The following ABLIM1 variants were observed in gnomAD, a reference collection of about 807,000 sequenced individuals.
The protein encoded by ABLIM1 is actin binding LIM protein 1, also known as actin-binding LIM protein 1.
ABLIM1 carries 40 observed loss-of-function variants against 107.0 expected under a neutral mutation model. The ratio of observed to expected loss-of-function variants is 0.37; its 90% confidence interval spans 0.29 to 0.49. The LOEUF (loss-of-function observed/expected upper bound fraction) is 0.49. ABLIM1 is among the 20% of genes least tolerant of loss of function. The probability of loss-of-function intolerance (pLI) is 0.97; values close to 1 mark genes in which losing one functional copy is unlikely to be tolerated. For synonymous variants in ABLIM1, 357 were observed against 357.3 expected (o/e 1.00, Z 0.01); for missense variants, 857 against 1,008.5 (o/e 0.85, Z 2.04).
chr10:114,700,199 G>A (rs576562097), intron 1 of ABLIM1, among the ~76,000 whole-genome samples: 6 of 152,194 alleles, frequency 3.9e-5, no homozygotes, highest in Non-Finnish European at 7.4e-5. Flanking sequence ...GGATGCATTC[G>A]AGCATTATGG....
At chr10:114,798,556 A>AT in the ABLIM1 span, among the ~76,000 whole-genome samples, 1 of 125,996 alleles carries the variant, frequency 7.9e-6, no homozygotes, top group African/African-American at 3.3e-5. Context: ...AGATGATGAG[A>AT]CCCCCCCCCC....
At chr10:114,704,290 CTCTCTCTCTCTCTATA>C (rs1356429502) in intron 1 of ABLIM1, among the ~76,000 whole-genome samples, 1 of 26,850 alleles carries the variant, frequency 3.7e-5, no homozygotes, top group African/African-American at 1.5e-4. Flanking sequence ...CTCTCTCTCT[CTCTCTCTCTCTCTATA>C]TATATATATA....
At chr10:114,720,226 G>A (rs2081807604) in intron 1 of ABLIM1, among the ~76,000 whole-genome samples, 1 of 152,156 alleles carries the variant, frequency 6.6e-6, no homozygotes, top group Non-Finnish European at 1.5e-5. Flanking sequence ...TGGCTGCATA[G>A]TATTCCATAG....
intron 1 of ABLIM1, among the ~76,000 whole-genome samples, chr10:114,710,018 G>GT (rs2081513076): frequency 6.6e-6 from 1 of 152,014 alleles, no homozygotes; most frequent in African/African-American, 2.4e-5. Flanking sequence ...GCACACATGT[G>GT]TACACACACA....
chr10:114,647,267 G>A (rs978111958), intron 1 of ABLIM1, among the ~76,000 whole-genome samples: 11 of 145,660 alleles, frequency 7.6e-5, no homozygotes, highest in Non-Finnish European at 1.0e-4. Context: ...CCAAAGTACT[G>A]AGATTACAGG....
Position 114,502,923 on chromosome 10 carries a change from A to G in ABLIM1, c.895-11045T>C, listed in dbSNP as rs558603187. ...AGAAACCCCCTTGTGTCCTCTTCCA[A>G]TGATGACTATGCCTTCCAATCACTA... On this transcript the variant is annotated intron_variant, in intron 6 of 22. Coordinates refer to ENST00000533213, the MANE Select transcript of ABLIM1 (RefSeq NM_002313.7). Among the ~76,000 whole-genome samples, 3 of 152,312 alleles carry G rather than the reference A, an allele frequency of 2.0e-5. No homozygotes were observed. The East Asian group carries it at 5.8e-4, about 29-fold the overall frequency.
chr10:114,552,102 C>T (rs1161520539), intron 4 of ABLIM1, among the ~76,000 whole-genome samples: 11 of 152,096 alleles, frequency 7.2e-5, no homozygotes, highest in Admixed American at 7.2e-4. Flanking sequence ...AATCCTGACC[C>T]GAAGTATTCT....
chr10:114,552,491 G>GAA (rs68058352), intron 4 of ABLIM1, among the ~76,000 whole-genome samples: 2,034 of 120,630 alleles, frequency 0.017, 62 homozygotes, highest in African/African-American at 0.058. Context: ...ACCTAACATG[G>GAA]AAAAAAAAAA....
At chr10:114,511,766 G>T (rs1343463992) in intron 6 of ABLIM1, among the ~76,000 whole-genome samples, 3 of 152,188 alleles carry the variant, frequency 2.0e-5, no homozygotes, top group Non-Finnish European at 4.4e-5. Context: ...GCATCAAACA[G>T]GTCATCTGTA....
In ABLIM1 at chr10:114,433,219, G is replaced by A. The variant is rs1036079617; in HGVS notation, c.*3041C>T. ...GTGTGTTAATAACTGGAATTTTCAT[G>A]TATAGTACAGGGTAGGGTAAAAGCA... On this transcript the variant is annotated 3_prime_UTR_variant, in exon 23 of 23. Transcript: ENST00000533213. The A allele has an allele frequency of 1.3e-5, 2 of 152,188 alleles. No individual in the cohort carries two copies. Among genetic ancestry groups the A allele is most frequent in the African/African-American group, 4.8e-5 (2 of 41,438 alleles). 9.4% of individuals were successfully genotyped at this position (152,188 alleles called of 1,614,324 possible). A position where few individuals can be genotyped will look rare whatever the true frequency, so the allele number is the denominator to read the frequency against.
chr10:114,766,459 C>T (rs1768475043), intron 1 of ABLIM1, among the ~76,000 whole-genome samples: 1 of 152,104 alleles, frequency 6.6e-6, no homozygotes, highest in Non-Finnish European at 1.5e-5. Flanking sequence ...GCTTAGAGCC[C>T]CTTAGAATCT....
intron 2 of ABLIM1, among the ~76,000 whole-genome samples, chr10:114,586,506 C>T (rs924435682): frequency 6.6e-5 from 10 of 152,276 alleles, no homozygotes; most frequent in South Asian, 6.2e-4. Context: ...TAATGATGGT[C>T]TTTAAGTATA....
chr10:114,725,995 G>A (rs549459979), intron 1 of ABLIM1, among the ~76,000 whole-genome samples: 278 of 152,136 alleles, frequency 1.8e-3, no homozygotes, highest in Non-Finnish European at 3.4e-3. Context: ...TGATCTTCCC[G>A]CTTTTGCCTT....
At chr10:114,720,724 T>C (rs888935386) in intron 1 of ABLIM1, among the ~76,000 whole-genome samples, 2 of 151,662 alleles carry the variant, frequency 1.3e-5, no homozygotes, top group African/African-American at 2.4e-5. Context: ...GAAAAATGCA[T>C]TGAAATAAAA....
At chr10:114,789,545 A>G in the ABLIM1 span, among the ~76,000 whole-genome samples, 1 of 152,112 alleles carries the variant, frequency 6.6e-6, no homozygotes. Flanking sequence ...CTCCCACCAG[A>G]AGTGTATAAA....
chr10:114,712,729 C>T (rs1180268614), intron 1 of ABLIM1, among the ~76,000 whole-genome samples: 2 of 152,180 alleles, frequency 1.3e-5, no homozygotes, highest in African/African-American at 4.8e-5. Flanking sequence ...AACTCTGGTA[C>T]AAAATGATCT....
intron 14 of ABLIM1, 62 bp from the exon 15 acceptor site, chr10:114,448,082 A>C: frequency 6.3e-7 from 1 of 1,597,292 alleles, no homozygotes; most frequent in Non-Finnish European, 8.6e-7. Context: ...TGGCGGTACA[A>C]CCCCACTTAC....
chr10:114,712,532 C>CAGTTACAT (rs2081576228), intron 1 of ABLIM1, among the ~76,000 whole-genome samples: 1 of 152,118 alleles, frequency 6.6e-6, no homozygotes, highest in Non-Finnish European at 1.5e-5. Flanking sequence ...GGGCTACCCT[C>CAGTTACAT]AGTTACATTA....
intron 1 of ABLIM1, chr10:114,767,992 C>T (rs990151726): frequency 3.4e-5 from 14 of 414,284 alleles, no homozygotes; most frequent in South Asian, 1.2e-4. Flanking sequence ...CTGTCGCAGC[C>T]CCCCCGCCCT....
Sources: gnomAD v4.1 joint callset for allele counts (sites outside exome capture counted in the v4.1 genomes callset) on GRCh38, gnomAD v4.1.1 for gene constraint, MANE v1.5 for transcripts, NCBI Gene and HGNC (gene_info 2026-07-23, HGNC 2026-07-21) for gene names.